PPFIA2: variants seen among roughly 807,000 people sequenced by gnomAD.
The protein encoded by PPFIA2 is liprin-alpha-2.
In PPFIA2, 46 loss-of-function variants were observed where a neutral mutation model predicts 175.5. That is an observed-to-expected ratio of 0.26 (90% CI 0.21 to 0.34). The LOEUF is 0.34. PPFIA2 is among the 10% of genes least tolerant of loss of function. The probability of loss-of-function intolerance (pLI) is 1.00; values close to 1 mark genes in which losing one functional copy is unlikely to be tolerated. For synonymous variants in PPFIA2, 568 were observed against 511.4 expected, an observed-to-expected ratio of 1.11 and a Z score of -1.49; for missense variants, 1,179 against 1,506.1, an observed-to-expected ratio of 0.78 and a Z score of 3.60.
chr12:81,737,944 AT>A (rs1423289779), intron 3 of PPFIA2, among the ~76,000 whole-genome samples: 1 of 152,008 alleles, frequency 6.6e-6, no homozygotes, highest in Non-Finnish European at 1.5e-5. Context: ...ATGAGGCAGT[AT>A]TTACTGAACA....
chr12:81,698,696 G>GT (rs1408693380), intron 3 of PPFIA2, among the ~76,000 whole-genome samples: 3 of 151,986 alleles, frequency 2.0e-5, no homozygotes, highest in Non-Finnish European at 2.9e-5. Flanking sequence ...CTATGCCTGT[G>GT]GAAGAAGGGT....
chr12:81,610,785 G>A (rs2060816933), intron 4 of PPFIA2, among the ~76,000 whole-genome samples: 1 of 152,178 alleles, frequency 6.6e-6, no homozygotes, highest in Non-Finnish European at 1.5e-5. Flanking sequence ...CTTGTTAGAA[G>A]GGGATACTGT....
chr12:81,263,192 GC>G (rs771790377), intron 31 of PPFIA2, 38 bp downstream of exon 31: 126 of 1,531,728 alleles, frequency 8.2e-5, no homozygotes, highest in Non-Finnish European at 1.1e-4. Flanking sequence ...GGCTAAACAA[GC>G]TTTTTGCTTG....
At chr12:81,331,735 TTTCA>T (rs1166426344) in intron 21 of PPFIA2, among the ~76,000 whole-genome samples, 1 of 152,174 alleles carries the variant, frequency 6.6e-6, no homozygotes, top group Non-Finnish European at 1.5e-5. Context: ...GCTTTTCTGT[TTTCA>T]TTATTTTTTT....
intron 7 of PPFIA2, among the ~76,000 whole-genome samples, chr12:81,412,638 A>C (rs2044195149): frequency 6.6e-6 from 1 of 151,944 alleles, no homozygotes; most frequent in Non-Finnish European, 1.5e-5. Flanking sequence ...TATGCTTGAA[A>C]GGCTGAGGAT....
chr12:81,370,398 G>A (rs544365498), intron 11 of PPFIA2, among the ~76,000 whole-genome samples: 2 of 151,668 alleles, frequency 1.3e-5, no homozygotes, highest in African/African-American at 4.8e-5. Context: ...TTGGTCTAAC[G>A]GTCCACTCTC....
At chr12:81,503,799 A>AG (rs1288055316) in intron 4 of PPFIA2, among the ~76,000 whole-genome samples, 11 of 152,134 alleles carry the variant, frequency 7.2e-5, no homozygotes, top group Non-Finnish European at 7.3e-5. Context: ...TAAACAAGGC[A>AG]AAGCTATTTT....
intron 11 of PPFIA2, among the ~76,000 whole-genome samples, chr12:81,369,945 T>G (rs2034631384): frequency 6.6e-6 from 1 of 151,726 alleles, no homozygotes; most frequent in Non-Finnish European, 1.5e-5. Context: ...CAACCTAAGA[T>G]ATGAAAGGTT....
intron 4 of PPFIA2, among the ~76,000 whole-genome samples, chr12:81,582,989 C>A (rs977040936): frequency 2.0e-5 from 3 of 151,772 alleles, no homozygotes; most frequent in African/African-American, 4.8e-5. Flanking sequence ...TAAAGAATAA[C>A]CCATATTCAG....
chr12:81,443,560 G>A (rs181621138), intron 6 of PPFIA2, among the ~76,000 whole-genome samples: 34 of 152,144 alleles, frequency 2.2e-4, no homozygotes, highest in Middle Eastern at 3.4e-3. Context: ...CACACGACCA[G>A]GTTATTTGTC....
chr12:81,507,541 C>A (rs1307526921), intron 4 of PPFIA2, among the ~76,000 whole-genome samples: 1 of 152,170 alleles, frequency 6.6e-6, no homozygotes, highest in East Asian at 1.9e-4. Context: ...AACTTGAACT[C>A]TCAATTAGCT....
intron 4 of PPFIA2, among the ~76,000 whole-genome samples, chr12:81,622,747 G>C (rs1225498954): frequency 2.0e-5 from 3 of 152,132 alleles, no homozygotes; most frequent in Admixed American, 2.0e-4. Context: ...CAACAGAATA[G>C]AATGTGCCCT....
intron 7 of PPFIA2, among the ~76,000 whole-genome samples, chr12:81,414,532 G>A (rs1419054283): frequency 1.3e-5 from 2 of 151,522 alleles, no homozygotes; most frequent in African/African-American, 2.4e-5. Flanking sequence ...TCATTCTCAT[G>A]TTTTTAAATT....
intron 4 of PPFIA2, among the ~76,000 whole-genome samples, chr12:81,499,796 G>A (rs915346200): frequency 3.3e-5 from 5 of 151,948 alleles, no homozygotes; most frequent in Admixed American, 2.6e-4. Flanking sequence ...GTTAAAGCCA[G>A]ACATCTTGTC....
At chr12:81,670,880 C>A (rs1172207364) in intron 4 of PPFIA2, among the ~76,000 whole-genome samples, 1 of 151,838 alleles carries the variant, frequency 6.6e-6, no homozygotes, top group Non-Finnish European at 1.5e-5. Flanking sequence ...TCTGTTTTGT[C>A]TTTTTTGAGG....
At chr12:81,389,240 G>A (rs936242153) in intron 8 of PPFIA2, among the ~76,000 whole-genome samples, 1 of 148,774 alleles carries the variant, frequency 6.7e-6, no homozygotes, top group African/African-American at 2.5e-5. Flanking sequence ...GCAAATGAAC[G>A]ATATTTATTT....
chr12:81,608,780 T>C (rs996943273), intron 4 of PPFIA2, among the ~76,000 whole-genome samples: 1 of 152,120 alleles, frequency 6.6e-6, no homozygotes, highest in Middle Eastern at 3.4e-3. Context: ...TATTTTTGCA[T>C]GTCAATTTTA....
chr12:81,374,582 C>T (rs1269313922), intron 11 of PPFIA2, 52 bp downstream of exon 11: 26 of 1,516,734 alleles, frequency 1.7e-5, no homozygotes, highest in Non-Finnish European at 2.2e-5. Context: ...ATTTTGATTA[C>T]AAGTCCTTTC....
intron 8 of PPFIA2, among the ~76,000 whole-genome samples, chr12:81,402,734 A>G (rs1336756344): frequency 3.3e-5 from 5 of 152,126 alleles, no homozygotes; most frequent in Non-Finnish European, 7.3e-5. Flanking sequence ...CACGCCAGTA[A>G]TGTTAGCTAC....
Sources: allele counts gnomAD v4.1 joint callset (sites outside exome capture counted in the v4.1 genomes callset), GRCh38; gene constraint gnomAD v4.1.1; transcripts MANE v1.5; gene names NCBI Gene and HGNC (gene_info 2026-07-23, HGNC 2026-07-21).